Variants in MGAT4C observed in about 807,000 individuals in gnomAD.
MGAT4C encodes the protein MGAT4 family member C, also known as alpha-1,3-mannosyl-glycoprotein 4-beta-N-acetylglucosaminyltransferase C.
Under a neutral mutation model 40.1 loss-of-function variants are expected in MGAT4C, and 19 were observed. The observed-to-expected ratio is 0.47, with a 90% confidence interval of 0.33 to 0.70. The LOEUF is 0.70. MGAT4C is among the 30% of genes least tolerant of loss of function. The probability of loss-of-function intolerance (pLI) is 0.02; values close to 1 mark genes in which losing one functional copy is unlikely to be tolerated. For missense variants in MGAT4C, 491 were observed against 563.2 expected (o/e 0.87, Z 1.30); for synonymous variants, 181 against 187.1 (o/e 0.97, Z 0.27).
chr12:86,510,651 C>T (rs1468704694), intron 2 of MGAT4C, among the ~76,000 whole-genome samples: 2 of 151,948 alleles, frequency 1.3e-5, no homozygotes, highest in South Asian at 2.1e-4. Flanking sequence ...GGAAGATCTA[C>T]CAAGCAAATG....
chr12:86,824,753 A>G (rs34522918), intron 1 of MGAT4C, among the ~76,000 whole-genome samples: 24,175 of 143,474 alleles, frequency 0.17, 2,156 homozygotes, highest in Middle Eastern at 0.31. Flanking sequence ...AAAAAAAAAA[A>G]AGAGAGAGAG....
intron 2 of MGAT4C, among the ~76,000 whole-genome samples, chr12:86,455,010 A>T (rs1226689316): frequency 6.6e-6 from 1 of 152,026 alleles, no homozygotes; most frequent in Non-Finnish European, 1.5e-5. Context: ...TCACTAAGTC[A>T]TTTTATTATC....
intron 3 of MGAT4C, among the ~76,000 whole-genome samples, chr12:86,406,049 T>TTATA (rs1236806076): frequency 6.9e-6 from 1 of 144,990 alleles, no homozygotes; most frequent in African/African-American, 2.5e-5. Context: ...TATATAATTA[T>TTATA]TATATATATA....
In MGAT4C at chr12:85,957,104, T is replaced by C. The variant is rs1882833815; in HGVS notation, c.*22185A>G. 3.9e-5 allele frequency: 6 copies of C among 152,208 alleles called. No homozygotes were observed. In the South Asian group the frequency reaches 1.2e-3, roughly 31 times the overall value. The allele number at this position is 152,208 out of a possible 1,614,324, so 9.4% of individuals were successfully genotyped here. On this transcript the variant is annotated 3_prime_UTR_variant, in exon 5 of 5. Coordinates refer to ENST00000611864, the MANE Select transcript of MGAT4C (RefSeq NM_001351288.2). ...AATATGTTATTATTTTGTTATTATC[T>C]ATATTTCCTCATAGCAGCTCCTCTT...
At chr12:86,132,335 C>T (rs1389492177) in intron 1 of MGAT4C, among the ~76,000 whole-genome samples, 2 of 151,844 alleles carry the variant, frequency 1.3e-5, no homozygotes, top group Non-Finnish European at 2.9e-5. Context: ...TAAATTGATT[C>T]TAAAATTCAA....
chr12:86,203,914 G>A (rs1032061336), intron 1 of MGAT4C, among the ~76,000 whole-genome samples: 2 of 147,198 alleles, frequency 1.4e-5, no homozygotes, highest in East Asian at 2.0e-4. Flanking sequence ...CGGAGATCGC[G>A]CCATTGCACT....
intron 1 of MGAT4C, among the ~76,000 whole-genome samples, chr12:86,747,619 G>A (rs1951170870): frequency 6.6e-6 from 1 of 151,506 alleles, no homozygotes; most frequent in South Asian, 2.1e-4. Context: ...CTTTTTCAGA[G>A]CAAATTTCAC....
chr12:86,703,704 T>C (rs977469643), intron 2 of MGAT4C, among the ~76,000 whole-genome samples: 1 of 152,206 alleles, frequency 6.6e-6, no homozygotes, highest in African/African-American at 2.4e-5. Context: ...TTTATTGTGA[T>C]ATTCACTTTA....
At chr12:86,395,837 C>T (rs1469906317) in intron 3 of MGAT4C, among the ~76,000 whole-genome samples, 3 of 152,136 alleles carry the variant, frequency 2.0e-5, no homozygotes, top group Non-Finnish European at 4.4e-5. Context: ...GATGGGCTAA[C>T]ATATGCCTCA....
chr12:86,759,269 T>G (rs1951359997), intron 1 of MGAT4C, among the ~76,000 whole-genome samples: 1 of 152,120 alleles, frequency 6.6e-6, no homozygotes, highest in Non-Finnish European at 1.5e-5. Context: ...TACCATGGTG[T>G]TTTTTATCCA....
intron 2 of MGAT4C, among the ~76,000 whole-genome samples, chr12:86,545,622 T>C (rs1463770416): frequency 6.6e-6 from 1 of 151,928 alleles, no homozygotes; most frequent in Non-Finnish European, 1.5e-5. Context: ...AAATGTTTGT[T>C]TAGGATTTTA....
At chr12:86,000,881 T>C (rs528010756) in intron 2 of MGAT4C, among the ~76,000 whole-genome samples, 1 of 152,300 alleles carries the variant, frequency 6.6e-6, no homozygotes, top group South Asian at 2.1e-4. Flanking sequence ...CCAACTATCA[T>C]GCCAGAACCT....
chr12:86,144,498 G>A (rs1012061749), intron 1 of MGAT4C, among the ~76,000 whole-genome samples: 2 of 152,034 alleles, frequency 1.3e-5, no homozygotes, highest in Non-Finnish European at 2.9e-5. Flanking sequence ...TGACCAAGGG[G>A]TTTATACATT....
intron 4 of MGAT4C, among the ~76,000 whole-genome samples, chr12:86,268,700 CAT>C (rs144630648): frequency 1.2e-4 from 17 of 145,222 alleles, no homozygotes; most frequent in Non-Finnish European, 1.8e-4. Context: ...TATATATACA[CAT>C]ATATATATAT....
In MGAT4C at chr12:86,263,122, G is replaced by A. The variant is rs796737681; in HGVS notation, c.-57+70943C>T. ...GGGGTTGTAACCCCATAAATTGGTA[G>A]ATGAAACCAAAGATCAGTGATATGG... On this transcript the variant is annotated intron_variant, in intron 4 of 7. Coordinates refer to the MGAT4C transcript ENST00000548651. Among the ~76,000 whole-genome samples, 11 of 152,144 alleles carry A rather than the reference G, an allele frequency of 7.2e-5. 1 individual carries two copies. Among genetic ancestry groups the A allele is most frequent in the African/African-American group, 2.4e-4 (10 of 41,538 alleles).
chr12:86,424,559 C>T (rs1956890035), intron 3 of MGAT4C, among the ~76,000 whole-genome samples: 1 of 152,136 alleles, frequency 6.6e-6, no homozygotes, highest in African/African-American at 2.4e-5. Context: ...GCTGACTGTT[C>T]TAAATAATAC....
intron 2 of MGAT4C, among the ~76,000 whole-genome samples, chr12:86,714,167 TAAAGAC>T (rs1950603421): frequency 1.3e-5 from 2 of 152,082 alleles, no homozygotes; most frequent in South Asian, 4.1e-4. Context: ...AGGGACAAAA[TAAAGAC>T]AGAGAGAAAA....
At chr12:86,578,350 T>C (rs1370963845) in intron 2 of MGAT4C, among the ~76,000 whole-genome samples, 1 of 151,842 alleles carries the variant, frequency 6.6e-6, no homozygotes, top group Non-Finnish European at 1.5e-5. Context: ...ATCATGTGTC[T>C]TTCTCTGGCT....
chr12:86,208,296 T>C (rs1337370125), intron 1 of MGAT4C, among the ~76,000 whole-genome samples: 1 of 152,156 alleles, frequency 6.6e-6, no homozygotes, highest in Non-Finnish European at 1.5e-5. Flanking sequence ...CAAAACCCCA[T>C]CTTTACTATA....
Sources: gnomAD v4.1 joint callset for allele counts (sites outside exome capture counted in the v4.1 genomes callset) on GRCh38, gnomAD v4.1.1 for gene constraint, MANE v1.5 for transcripts, NCBI Gene and HGNC (gene_info 2026-07-23, HGNC 2026-07-21) for gene names.